HMGCLL1: variants seen among roughly 807,000 people sequenced by gnomAD.
The protein encoded by HMGCLL1 is 3-hydroxy-3-methylglutaryl-CoA lyase like 1, also known as 3-hydroxymethyl-3-methylglutaryl-CoA lyase, cytoplasmic.
HMGCLL1 carries 36 observed loss-of-function variants against 39.1 expected under a neutral mutation model. The observed-to-expected ratio is 0.92, with a 90% CI of 0.71 to 1.22. The LOEUF (loss-of-function observed/expected upper bound fraction) is 1.22, where lower values mean the gene tolerates loss of function less well. Among genes scored for constraint, HMGCLL1 ranks in the 50% most tolerant of loss-of-function variants. The probability of loss-of-function intolerance (pLI) is 0.00; values close to 1 mark genes in which losing one functional copy is unlikely to be tolerated. For missense variants in HMGCLL1, 451 were observed against 416.5 expected (o/e 1.08, Z -0.72); for synonymous variants, 149 against 144.0 (o/e 1.03, Z -0.25).
the HMGCLL1 span, among the ~76,000 whole-genome samples, chr6:55,675,072 T>G: frequency 6.6e-6 from 1 of 152,156 alleles, no homozygotes; most frequent in African/African-American, 2.4e-5. Context: ...AGAAGTATTT[T>G]GTTGCATCAT....
intron 1 of HMGCLL1, among the ~76,000 whole-genome samples, chr6:55,576,784 A>T (rs1771779769): frequency 6.6e-6 from 1 of 152,214 alleles, no homozygotes; most frequent in South Asian, 2.1e-4. Context: ...CATAGAACTG[A>T]ATAAATTATA....
At chr6:55,579,218 G>A (rs1030717206), upstream of HMGCLL1, 3 of 618,756 alleles carry the variant, frequency 4.8e-6, no homozygotes. Flanking sequence ...CGAGAGGGCG[G>A]GGAGTGGGGC....
the HMGCLL1 span, among the ~76,000 whole-genome samples, chr6:55,634,879 A>G: frequency 6.6e-6 from 1 of 152,186 alleles, no homozygotes; most frequent in Non-Finnish European, 1.5e-5. Flanking sequence ...ATCGTACTCT[A>G]TAAAAGAAAT....
In HMGCLL1 at chr6:55,579,107, A is replaced by G. The variant is rs112941754; in HGVS notation, c.-52T>C. On this transcript the variant is annotated 5_prime_UTR_variant, in exon 1 of 9. Coordinates refer to ENST00000274901, the MANE Select transcript of HMGCLL1 (RefSeq NM_001042406.2). ...AGGGGAGGGAGACTGGAGGAGGATG[A>G]GGGGCGGGCACCGCGCTGGGAAACT... 2.3e-4 allele frequency: 320 copies of G among 1,370,232 alleles called. No homozygotes were observed. The African/African-American group carries it at 2.6e-3, about 11-fold the overall frequency. 84.9% of individuals were successfully genotyped at this position (1,370,232 alleles called of 1,614,324 possible).
the HMGCLL1 span, among the ~76,000 whole-genome samples, chr6:55,674,380 G>T: frequency 6.7e-6 from 1 of 149,970 alleles, no homozygotes; most frequent in African/African-American, 2.5e-5. Flanking sequence ...GGGCAACAAA[G>T]CAAGAATCCG....
the HMGCLL1 span, among the ~76,000 whole-genome samples, chr6:55,611,605 C>T: frequency 6.6e-6 from 1 of 152,110 alleles, no homozygotes; most frequent in African/African-American, 2.4e-5. Flanking sequence ...CCTCAAAAAG[C>T]TTATCCACCA....
At chr6:55,604,650 C>T in the HMGCLL1 span, among the ~76,000 whole-genome samples, 4 of 152,008 alleles carry the variant, frequency 2.6e-5, no homozygotes, top group Non-Finnish European at 5.9e-5. Flanking sequence ...TTTTCTTAAA[C>T]TTTTTAAAAA....
intron 7 of HMGCLL1, among the ~76,000 whole-genome samples, chr6:55,492,860 A>G (rs1368280937): frequency 2.0e-5 from 3 of 152,016 alleles, no homozygotes; most frequent in Non-Finnish European, 2.9e-5. Flanking sequence ...GCTTCTGCAC[A>G]TGGTAGAAAA....
At chr6:55,673,523 G>A in the HMGCLL1 span, among the ~76,000 whole-genome samples, 1 of 152,050 alleles carries the variant, frequency 6.6e-6, no homozygotes, top group South Asian at 2.1e-4. Context: ...CTACACAAGG[G>A]CGAACGAACA....
At chr6:55,450,786 G>C (rs1255180326) in intron 7 of HMGCLL1, among the ~76,000 whole-genome samples, 1 of 152,150 alleles carries the variant, frequency 6.6e-6, no homozygotes, top group East Asian at 1.9e-4. Context: ...ATTAGGATAA[G>C]TTTTGGGACC....
chr6:55,526,340 A>G (rs1354722622), intron 3 of HMGCLL1, among the ~76,000 whole-genome samples: 2 of 151,994 alleles, frequency 1.3e-5, no homozygotes, highest in Admixed American at 6.6e-5. Flanking sequence ...CAACTCAAAA[A>G]TTCCTCTTAC....
the HMGCLL1 span, among the ~76,000 whole-genome samples, chr6:55,640,440 C>G: frequency 6.6e-6 from 1 of 151,840 alleles, no homozygotes; most frequent in Admixed American, 6.6e-5. Context: ...GGAGTACATA[C>G]AGCATCATTC....
the HMGCLL1 span, among the ~76,000 whole-genome samples, chr6:55,584,392 A>G: frequency 6.6e-6 from 1 of 152,130 alleles, no homozygotes; most frequent in Admixed American, 6.6e-5. Context: ...ACTAATCCAC[A>G]AGAAAGAAAA....
chr6:55,435,639 G>A lies in HMGCLL1; in HGVS notation c.*23C>T, dbSNP rs368717913. The A allele has an allele frequency of 5.0e-5, 67 of 1,350,954 alleles. No homozygotes were observed. The highest frequency in any genetic ancestry group is 2.1e-4 in the Admixed American group (11 of 52,992). The allele number at this position is 1,350,954 out of a possible 1,614,324, so 83.7% of individuals were successfully genotyped here. On this transcript the variant is annotated 3_prime_UTR_variant, in exon 9 of 9. Coordinates refer to ENST00000274901, the MANE Select transcript of HMGCLL1 (RefSeq NM_001042406.2). ...TGTAGCTGAAATTGATCTTCTCAAC[G>A]GTACGTCATAAATCCATTCAAGTCA... is the stretch of plus-strand genomic sequence containing the variant.
At chr6:55,508,246 T>G (rs1419505795) in intron 5 of HMGCLL1, among the ~76,000 whole-genome samples, 2 of 151,910 alleles carry the variant, frequency 1.3e-5, no homozygotes, top group Non-Finnish European at 2.9e-5. Flanking sequence ...AATGTAACCC[T>G]ACTAAACATG....
At chr6:55,593,982 T>C in the HMGCLL1 span, among the ~76,000 whole-genome samples, 1 of 152,174 alleles carries the variant, frequency 6.6e-6, no homozygotes, top group Non-Finnish European at 1.5e-5. Context: ...TACTTATATA[T>C]ACTTCCCTCC....
chr6:55,533,561 T>C (rs987964345), intron 3 of HMGCLL1, among the ~76,000 whole-genome samples: 1 of 152,052 alleles, frequency 6.6e-6, no homozygotes, highest in African/African-American at 2.4e-5. Context: ...TAGAACTGAA[T>C]GATGTGTGTA....
At chr6:55,560,629 AC>A (rs1770902310) in intron 1 of HMGCLL1, among the ~76,000 whole-genome samples, 3 of 152,050 alleles carry the variant, frequency 2.0e-5, no homozygotes, top group Non-Finnish European at 4.4e-5. Context: ...TGAAAAGTAA[AC>A]CTTCCAATCA....
At chr6:55,625,763 A>T in the HMGCLL1 span, among the ~76,000 whole-genome samples, 1 of 152,178 alleles carries the variant, frequency 6.6e-6, no homozygotes, top group African/African-American at 2.4e-5. Flanking sequence ...CATGATTGGA[A>T]AATTGGTGAC....
Sources: gnomAD v4.1 joint callset for allele counts (sites outside exome capture counted in the v4.1 genomes callset) on GRCh38, gnomAD v4.1.1 for gene constraint, MANE v1.5 for transcripts, NCBI Gene and HGNC (gene_info 2026-07-23, HGNC 2026-07-21) for gene names.